Variants in FBXO34 observed in about 807,000 individuals in gnomAD.
FBXO34 encodes F-box only protein 34.
In FBXO34, 12 loss-of-function variants were observed where a neutral mutation model predicts 24.5. The ratio of observed to expected loss-of-function variants is 0.49; its 90% CI spans 0.31 to 0.79. The LOEUF (loss-of-function observed/expected upper bound fraction) is 0.79, where lower values mean the gene tolerates loss of function less well. Among genes scored for constraint, FBXO34 ranks in the 30% least tolerant of loss-of-function variants. The pLI, the probability that FBXO34 is intolerant of heterozygous loss-of-function variation, is 0.04. For synonymous variants in FBXO34, 320 were observed against 311.9 expected (o/e 1.03, Z -0.27); for missense variants, 823 against 857.7 (o/e 0.96, Z 0.51).
intron 1 of FBXO34, among the ~76,000 whole-genome samples, chr14:55,327,986 G>T (rs987986679): frequency 1.6e-4 from 21 of 128,224 alleles, no homozygotes; most frequent in Non-Finnish European, 2.0e-4. Context: ...GAGTGTGGTG[G>T]TGGTCTCAGC....
chr14:55,411,967 ACT>A, the FBXO34 span: 1 of 736,410 alleles, frequency 1.4e-6, no homozygotes, highest in Non-Finnish European at 2.2e-6. Flanking sequence ...TGTCCCGGGC[ACT>A]GTTGTTTTTC....
chr14:55,276,695 G>A (rs1245512852), intron 1 of FBXO34, among the ~76,000 whole-genome samples: 2 of 152,160 alleles, frequency 1.3e-5, no homozygotes, highest in Non-Finnish European at 2.9e-5. Context: ...AAATTAAAAG[G>A]ATAAATGGTT....
At chr14:55,311,190 T>C (rs1459204774) in intron 1 of FBXO34, among the ~76,000 whole-genome samples, 1 of 152,306 alleles carries the variant, frequency 6.6e-6, no homozygotes, top group East Asian at 1.9e-4. Context: ...TTCTTCACAA[T>C]GTGGCAGGAG....
At chr14:55,440,111 A>T in the FBXO34 span, among the ~76,000 whole-genome samples, 1 of 151,872 alleles carries the variant, frequency 6.6e-6, no homozygotes, top group East Asian at 1.9e-4. Context: ...TCAATCAATC[A>T]ATCAATCAAT....
chr14:55,310,327 A>T (rs1882693227), intron 1 of FBXO34, among the ~76,000 whole-genome samples: 2 of 152,244 alleles, frequency 1.3e-5, no homozygotes, highest in Admixed American at 1.3e-4. Context: ...TTTGAGAAAA[A>T]GAGAAATGCT....
intron 1 of FBXO34, among the ~76,000 whole-genome samples, chr14:55,329,252 C>T (rs983755538): frequency 2.8e-4 from 43 of 151,796 alleles, no homozygotes; most frequent in African/African-American, 1.0e-3. Flanking sequence ...ATGAATGTGT[C>T]GTAGACTCCT....
the FBXO34 span, among the ~76,000 whole-genome samples, chr14:55,377,347 CA>C: frequency 4.8e-5 from 7 of 144,352 alleles, no homozygotes; most frequent in Admixed American, 2.1e-4. Context: ...AACCCCATCT[CA>C]AAAAAAAAAG....
At position 55,338,403 on chromosome 14, in the gene FBXO34, C is replaced by T. The variant is rs767731666; in HGVS notation, c.-10-11978C>T. Among the ~76,000 whole-genome samples, 12 of 151,894 alleles carry T rather than the reference C, an allele frequency of 7.9e-5. No individual in the cohort carries two copies. In the South Asian group the frequency reaches 1.3e-3, roughly 16 times the overall value. On this transcript the variant is annotated intron_variant, in intron 1 of 1. Coordinates refer to ENST00000313833, the MANE Select transcript of FBXO34 (RefSeq NM_017943.4). ...CCTTGATCTTTGTAAGTTCCTTAAG[C>T]CATCTCTGATTCAGTTTCTTCATCT... is the stretch of plus-strand genomic sequence containing the variant.
chr14:55,395,880 A>G, the FBXO34 span: 1 of 1,215,408 alleles, frequency 8.2e-7, no homozygotes, highest in Non-Finnish European at 1.1e-6. Flanking sequence ...ATAATTTTAT[A>G]AGCTCTACCA....
chr14:55,396,054 C>G, the FBXO34 span: 1 of 1,178,046 alleles, frequency 8.5e-7, no homozygotes, highest in Non-Finnish European at 1.2e-6. Flanking sequence ...AATGTAAAAT[C>G]AAACACTTAA....
At chr14:55,278,708 G>A (rs1180274047) in intron 1 of FBXO34, among the ~76,000 whole-genome samples, 1 of 152,026 alleles carries the variant, frequency 6.6e-6, no homozygotes, top group Non-Finnish European at 1.5e-5. Context: ...CTTTTTTTGA[G>A]ACAGGTGCTT....
chr14:55,378,382 A>G, the FBXO34 span, among the ~76,000 whole-genome samples: 1 of 152,244 alleles, frequency 6.6e-6, no homozygotes, highest in African/African-American at 2.4e-5. Context: ...CATCAACAGC[A>G]GACTGGTAAG....
intron 1 of FBXO34, among the ~76,000 whole-genome samples, chr14:55,288,558 A>C (rs1382166141): frequency 6.6e-6 from 1 of 152,218 alleles, no homozygotes. Context: ...CATTTCTCAG[A>C]AATCCTCATT....
At chr14:55,293,854 A>G (rs1473104577) in intron 1 of FBXO34, among the ~76,000 whole-genome samples, 3 of 150,836 alleles carry the variant, frequency 2.0e-5, no homozygotes, top group African/African-American at 7.3e-5. Flanking sequence ...TTCCTTCCCT[A>G]GCACAGATTT....
At chr14:55,349,754 G>A (rs1256973653) in intron 1 of FBXO34, among the ~76,000 whole-genome samples, 2 of 151,748 alleles carry the variant, frequency 1.3e-5, no homozygotes, top group East Asian at 3.9e-4. Flanking sequence ...TTACAGGCAC[G>A]CCCCACTACG....
intron 1 of FBXO34, among the ~76,000 whole-genome samples, chr14:55,347,219 G>A (rs1884188716): frequency 6.6e-6 from 1 of 152,198 alleles, no homozygotes; most frequent in Non-Finnish European, 1.5e-5. Flanking sequence ...TGGAAACCTA[G>A]CTGGAGCTTT....
Position 55,350,616 on chromosome 14 carries a change from A to G in FBXO34, c.226A>G (p.Lys76Glu). 1.2e-6 allele frequency: 2 copies of G among 1,613,114 alleles called. No individual in the cohort carries two copies. The highest frequency in any genetic ancestry group is 4.5e-5 in the East Asian group (2 of 44,882). Reference protein sequence around the residue: ...SPNVLCSMSGKSPVESSLNVK... With the variant: ...SPNVLCSMSGESPVESSLNVK... Reference sequence around the variant, plus strand: ...AAATGTTCTGTGCAGTATGAGTGGGAAGAGTCCTGTAGAGAGCAGCTTGAA... The same window carrying G: ...AAATGTTCTGTGCAGTATGAGTGGGGAGAGTCCTGTAGAGAGCAGCTTGAA... Residue 76 changes from lysine (K) to glutamate (E), a missense_variant, in exon 2 of 2, where the codon AAG (lysine) becomes GAG (glutamate). By Grantham distance (56) the Lys-to-Glu change is moderately conservative (BLOSUM62 1). Coordinates refer to ENST00000313833, the MANE Select transcript of FBXO34 (RefSeq NM_017943.4).
At chr14:55,287,583 G>A (rs899502272) in intron 1 of FBXO34, among the ~76,000 whole-genome samples, 1 of 152,134 alleles carries the variant, frequency 6.6e-6, no homozygotes, top group African/African-American at 2.4e-5. Context: ...TAGGCTTTCA[G>A]TCCCCACCTA....
At chr14:55,363,021 C>CTT (rs774134598), downstream of FBXO34, among the ~76,000 whole-genome samples, 5 of 122,534 alleles carry the variant, frequency 4.1e-5, no homozygotes, top group African/African-American at 1.2e-4. Flanking sequence ...TTTTCTCTCT[C>CTT]TCTTTTTTTT....
Sources: gnomAD v4.1 joint callset for allele counts (sites outside exome capture counted in the v4.1 genomes callset) on GRCh38, gnomAD v4.1.1 for gene constraint, MANE v1.5 for transcripts, NCBI Gene and HGNC (gene_info 2026-07-23, HGNC 2026-07-21) for gene names.